DPYD: variants seen among roughly 807,000 people sequenced by gnomAD.
DPYD encodes the protein dihydropyrimidine dehydrogenase [NADP(+)].
In DPYD, 109 loss-of-function variants were observed where a neutral mutation model predicts 116.2. The ratio of observed to expected loss-of-function variants is 0.94; its 90% CI spans 0.80 to 1.10. DPYD has a LOEUF of 1.10. DPYD is among the 50% of genes least tolerant of loss of function. The pLI is 0.00. For synonymous variants in DPYD, 440 were observed against 432.0 expected, an observed-to-expected ratio of 1.02 and a Z score of -0.23; for missense variants, 1,302 against 1,254.5, an observed-to-expected ratio of 1.04 and a Z score of -0.57.
intron 18 of DPYD, chr1:97,280,353 A>G (rs1440776550): frequency 1.3e-5 from 2 of 152,240 alleles, no homozygotes; most frequent in African/African-American, 4.8e-5. Flanking sequence ...CTTCAGAGAC[A>G]GTACAGAATG....
intron 11 of DPYD, among the ~76,000 whole-genome samples, chr1:97,554,495 CTTG>C (rs1048572378): frequency 2.0e-5 from 3 of 151,976 alleles, no homozygotes; most frequent in South Asian, 2.1e-4. Context: ...CATCTATGTC[CTTG>C]TTGTTTAATT....
At chr1:97,474,016 T>TAAA (rs35210810) in intron 13 of DPYD, among the ~76,000 whole-genome samples, 62 of 132,060 alleles carry the variant, frequency 4.7e-4, no homozygotes, top group African/African-American at 1.7e-3. Flanking sequence ...AAACTGTCTT[T>TAAA]AAAAAAAAAA....
chr1:97,805,790 A>G lies in DPYD; in HGVS notation c.233+22324T>C, dbSNP rs535485048. The stretch of plus-strand genomic sequence containing the variant: ...GTTTAATGATCACCGGCACAGGCGG[A>G]GGGGTGTTATAATTGGAAAATTAAG... On this transcript the variant is annotated intron_variant, in intron 3 of 22. Transcript: ENST00000370192. 8.6e-5 allele frequency among the ~76,000 whole-genome samples: 13 copies of G among 151,914 alleles called. No homozygotes were observed. In the South Asian group the frequency reaches 2.7e-3, roughly 32 times the overall value.
chr1:97,557,956 A>G (rs149423461), intron 11 of DPYD, among the ~76,000 whole-genome samples: 38 of 152,282 alleles, frequency 2.5e-4, no homozygotes, highest in African/African-American at 9.1e-4. Flanking sequence ...ATTTGAATCC[A>G]ATTATTTCAT....
At chr1:97,743,265 G>A (rs778934980) in intron 3 of DPYD, among the ~76,000 whole-genome samples, 11 of 152,070 alleles carry the variant, frequency 7.2e-5, no homozygotes, top group Non-Finnish European at 1.5e-4. Flanking sequence ...TTCCTTTGGT[G>A]TCATGAATAT....
chr1:97,208,885 C>T (rs749034990), intron 19 of DPYD, among the ~76,000 whole-genome samples: 5 of 151,992 alleles, frequency 3.3e-5, no homozygotes, highest in African/African-American at 4.8e-5. Flanking sequence ...TGACACAATG[C>T]GTTTGATTCA....
At chr1:97,888,400 TG>T (rs968552245) in intron 1 of DPYD, among the ~76,000 whole-genome samples, 2 of 151,576 alleles carry the variant, frequency 1.3e-5, no homozygotes, top group Admixed American at 6.6e-5. Flanking sequence ...AATACTGTAA[TG>T]GGATTACCTG....
At chr1:97,292,255 A>T (rs1171458649) in intron 18 of DPYD, among the ~76,000 whole-genome samples, 2 of 152,174 alleles carry the variant, frequency 1.3e-5, no homozygotes, top group Non-Finnish European at 2.9e-5. Context: ...CTGCTATTAA[A>T]GGCATACCCG....
intron 11 of DPYD, among the ~76,000 whole-genome samples, chr1:97,564,118 C>T (rs980944728): frequency 6.6e-6 from 1 of 152,152 alleles, no homozygotes; most frequent in Non-Finnish European, 1.5e-5. Context: ...TCATTTTCAT[C>T]ATTTCGCAAT....
chr1:97,732,514 T>TTA (rs1448736649), intron 4 of DPYD, among the ~76,000 whole-genome samples: 3 of 150,418 alleles, frequency 2.0e-5, no homozygotes, highest in Admixed American at 1.3e-4. Context: ...CCTTGTGAAG[T>TTA]TATATATATA....
At position 97,573,803 on chromosome 1, in the gene DPYD, A is replaced by G. The variant is rs773600085; in HGVS notation, c.1296T>C (p.Asp432=). ...CTGAACCAAAGGCACTGATGACCAC[A>G]TCGGCTTTCAGATGGACCATCTGAT... The part of the protein sequence containing the change: ...DEDQMVHLKA[D]VVISAFGSVL... The change falls in exon 11 of 23, where the codon GAT becomes GAC. Residue 432 remains aspartate (D), a synonymous_variant. Transcript: ENST00000370192. The G allele has an allele frequency of 3.1e-6, 5 of 1,613,488 alleles. No homozygotes were observed. The highest frequency in any genetic ancestry group is 2.7e-5 in the African/African-American group (2 of 74,892).
chr1:97,303,672 A>T (rs1666988984), intron 18 of DPYD, among the ~76,000 whole-genome samples: 1 of 152,054 alleles, frequency 6.6e-6, no homozygotes, highest in South Asian at 2.1e-4. Flanking sequence ...ATGTGGAGAA[A>T]GGCTATTTTC....
Position 97,672,365 on chromosome 1 carries a change from G to A in DPYD, c.850+6730C>T, listed in dbSNP as rs1251489304. On this transcript the variant is annotated intron_variant, in intron 8 of 22. Coordinates refer to ENST00000370192, the MANE Select transcript of DPYD (RefSeq NM_000110.4). Reference sequence around the variant, plus strand: ...CCTACATCTATTTTATCTCCTTCTGGGGCTTTGCATGAACTCATTAAGTAA... The same window carrying A: ...CCTACATCTATTTTATCTCCTTCTGAGGCTTTGCATGAACTCATTAAGTAA... Among the ~76,000 whole-genome samples, 3 of 151,880 alleles carry A rather than the reference G, an allele frequency of 2.0e-5. 1 individual carries two copies. Among genetic ancestry groups the A allele is most frequent in the Admixed American group, 6.6e-5 (1 of 15,234 alleles).
At position 97,592,982 on chromosome 1, in the gene DPYD, A is replaced by G. The variant is rs140513059; in HGVS notation, c.1128+236T>C. Among the ~76,000 whole-genome samples, 610 of 152,334 alleles carry G rather than the reference A, an allele frequency of 4.0e-3. 2 individuals are homozygous for G. Among genetic ancestry groups the G allele is most frequent in the Middle Eastern group, 0.01 (3 of 294 alleles). On this transcript the variant is annotated intron_variant, in intron 10 of 22. Transcript: ENST00000370192. ...AATACATTTCAAGCATATTAACACTAACAAGAAGCCCTTGAGTATTGACAA... is the reference window on the plus strand; with the variant it reads ...AATACATTTCAAGCATATTAACACTGACAAGAAGCCCTTGAGTATTGACAA...
intron 20 of DPYD, among the ~76,000 whole-genome samples, chr1:97,102,453 A>AGTCTATT (rs1650785427): frequency 8.3e-5 from 6 of 72,190 alleles, no homozygotes; most frequent in Non-Finnish European, 1.6e-4. Flanking sequence ...ATAAACCTGA[A>AGTCTATT]ATCTATTATC....
intron 20 of DPYD, among the ~76,000 whole-genome samples, chr1:97,141,160 A>G (rs1654189090): frequency 1.3e-5 from 2 of 152,146 alleles, no homozygotes; most frequent in Admixed American, 6.6e-5. Flanking sequence ...TGCATTTTCT[A>G]ACACAGTCCC....
intron 16 of DPYD, among the ~76,000 whole-genome samples, chr1:97,315,391 G>A: frequency 6.6e-6 from 1 of 151,966 alleles, no homozygotes; most frequent in Admixed American, 6.6e-5. Context: ...TTGTCCTGAA[G>A]CTCCCTACTG....
chr1:97,178,377 TGC>T, intron 20 of DPYD, among the ~76,000 whole-genome samples: 1 of 152,174 alleles, frequency 6.6e-6, no homozygotes, highest in African/African-American at 2.4e-5. Context: ...CTCACAATTC[TGC>T]ACTGCTGAGG....
intron 8 of DPYD, among the ~76,000 whole-genome samples, chr1:97,663,822 T>C (rs1429587843): frequency 6.6e-6 from 1 of 152,178 alleles, no homozygotes; most frequent in Non-Finnish European, 1.5e-5. Context: ...CATATGACAT[T>C]CCCTGTATCT....
Sources: gnomAD v4.1 joint callset for allele counts (sites outside exome capture counted in the v4.1 genomes callset) on GRCh38, gnomAD v4.1.1 for gene constraint, MANE v1.5 for transcripts, NCBI Gene and HGNC (gene_info 2026-07-23, HGNC 2026-07-21) for gene names.